WT1: variants seen among roughly 807,000 people sequenced by gnomAD.
The protein encoded by WT1 is WT1 transcription factor.
In WT1, 8 loss-of-function variants were observed where a neutral mutation model predicts 60.8. The observed-to-expected ratio is 0.13, with a 90% CI of 0.08 to 0.24. The LOEUF is 0.24. Among genes scored for constraint, WT1 ranks in the 10% least tolerant of loss-of-function variants. The probability of loss-of-function intolerance (pLI) is 1.00; values close to 1 mark genes in which losing one functional copy is unlikely to be tolerated. For missense variants in WT1, 568 were observed against 711.8 expected (o/e 0.80, Z 2.30); for synonymous variants, 312 against 297.1 (o/e 1.05, Z -0.52).
chr11:32,422,100 G>T (rs1371035863), intron 3 of WT1, among the ~76,000 whole-genome samples: 1 of 152,248 alleles, frequency 6.6e-6, no homozygotes, highest in Non-Finnish European at 1.5e-5. Context: ...AGAGGGTGCA[G>T]CCAGACTTCC....
chr11:32,416,588 T>C (rs1852680447), intron 4 of WT1, 48 bp from the exon 5 acceptor site: 1 of 1,610,496 alleles, frequency 6.2e-7, no homozygotes, highest in Non-Finnish European at 8.5e-7. Context: ...CATGCATGGA[T>C]CTGGCAAGCC....
At chr11:32,433,120 C>T (rs914049693) in intron 1 of WT1, among the ~76,000 whole-genome samples, 1 of 152,346 alleles carries the variant, frequency 6.6e-6, no homozygotes, top group Middle Eastern at 3.4e-3. Flanking sequence ...GACGGGGACA[C>T]TGAGACCTAG....
chr11:32,392,903 A>C lies in WT1; in HGVS notation c.1265-148T>G, dbSNP rs890471606. The stretch of plus-strand genomic sequence containing the variant: ...TAGGGTAGGATGATCCCCAACTTGC[A>C]AGTTACAAATGAATGGGAGCTCAGG... On this transcript the variant is annotated intron_variant, in intron 7 of 9. Transcript: ENST00000452863. 33 of 699,528 alleles carry C rather than the reference A, an allele frequency of 4.7e-5. No individual in the cohort carries two copies. The Admixed American group carries it at 6.7e-4, about 14-fold the overall frequency. 43.3% of individuals were successfully genotyped at this position (699,528 alleles called of 1,614,324 possible). A position where few individuals can be genotyped will look rare whatever the true frequency, so the allele number is the denominator to read the frequency against.
At position 32,416,529 on chromosome 11, in the gene WT1, C is replaced by G. The variant is rs766054482; in HGVS notation, c.977G>C (p.Gly326Ala). The G allele has an allele frequency of 1.3e-5, 21 of 1,614,046 alleles. No homozygotes were observed. The highest frequency in any genetic ancestry group is 1.8e-5 in the Non-Finnish European group (21 of 1,180,044). ...TGTCCATTTCACTGAGCTGGAGCTC[C>G]CAGCAGCAACTCTAGAAAAGAAGAA... The change falls in exon 5 of 10, where the codon GGG becomes GCG. Residue 326 changes from glycine (G) to alanine (A), a missense_variant. Physicochemically the swap from Gly to Ala is moderately conservative, Grantham distance 60 (BLOSUM62 0). This residue lies in a region of WT1 where 523 missense variants were observed against 565.1 expected (regional missense o/e 0.93). Coordinates refer to ENST00000452863, the MANE Select transcript of WT1 (RefSeq NM_024426.6).
intron 5 of WT1, among the ~76,000 whole-genome samples, chr11:32,412,102 G>A (rs912183315): frequency 1.3e-5 from 2 of 152,120 alleles, no homozygotes; most frequent in African/African-American, 4.8e-5. Flanking sequence ...ATGTTCACGA[G>A]CCCGCGAGGG....
At chr11:32,414,964 C>A (rs1852618975) in intron 5 of WT1, among the ~76,000 whole-genome samples, 1 of 150,478 alleles carries the variant, frequency 6.6e-6, no homozygotes, top group Admixed American at 6.6e-5. Context: ...TCATTTTTTT[C>A]TTATGTAGGA....
chr11:32,398,005 T>G (rs1344197832), intron 6 of WT1, among the ~76,000 whole-genome samples: 2 of 152,166 alleles, frequency 1.3e-5, no homozygotes, highest in Non-Finnish European at 2.9e-5. Flanking sequence ...CTAGAAGCAG[T>G]GCACATGGGA....
chr11:32,391,725 C>G (rs5030292), intron 9 of WT1, among the ~76,000 whole-genome samples: 3 of 152,334 alleles, frequency 2.0e-5, no homozygotes, highest in East Asian at 1.9e-4. Flanking sequence ...CTTATCTCTT[C>G]ATTTTCATTC....
chr11:32,422,124 C>T lies in WT1; in HGVS notation c.888-4470G>A, dbSNP rs973091511. Among the ~76,000 whole-genome samples, 5 of 152,248 alleles carry T rather than the reference C, an allele frequency of 3.3e-5. No individual in the cohort carries two copies. The East Asian group carries it at 9.6e-4, about 29-fold the overall frequency. On this transcript the variant is annotated intron_variant, in intron 3 of 9. Transcript: ENST00000452863. ...AGCCAGACTTCCACACACCCTTTTCCTGTGCTCCTCCCTTTGAGGTGCTTT... is the reference window on the plus strand; with the variant it reads ...AGCCAGACTTCCACACACCCTTTTCTTGTGCTCCTCCCTTTGAGGTGCTTT...
chr11:32,405,253 C>A (rs1038149534), intron 5 of WT1, among the ~76,000 whole-genome samples: 15 of 152,116 alleles, frequency 9.9e-5, no homozygotes, highest in African/African-American at 3.6e-4. Flanking sequence ...TAACTGTAAA[C>A]AATGTGAACC....
In WT1 at chr11:32,388,003, AACACACACACAC is replaced by A. The variant is rs58549495; in HGVS notation, c.*1043_*1054del. Reference sequence around the variant, plus strand: ...TCCCTTAAAAAACAAAACACAACACAACACACACACACACACACACACACACACACACACGAC... The same window carrying A: ...TCCCTTAAAAAACAAAACACAACACAACACACACACACACACACACACGAC... On this transcript the variant is annotated 3_prime_UTR_variant, in exon 10 of 10. Coordinates refer to ENST00000452863, the MANE Select transcript of WT1 (RefSeq NM_024426.6). 9.2e-5 allele frequency: 21 copies of A among 229,206 alleles called. No individual in the cohort carries two copies. The highest frequency in any genetic ancestry group is 2.9e-4 in the African/African-American group (13 of 44,126). The allele number at this position is 229,206 out of a possible 1,614,324, so 14.2% of individuals were successfully genotyped here. A position where few individuals can be genotyped will look rare whatever the true frequency, so the allele number is the denominator to read the frequency against.
chr11:32,430,039 T>TGGAG (rs1853225187), intron 1 of WT1, among the ~76,000 whole-genome samples: 1 of 149,662 alleles, frequency 6.7e-6, no homozygotes, highest in African/African-American at 2.5e-5. Context: ...GGCATGAGCC[T>TGGAG]GGAGGGTGGT....
At position 32,388,957 on chromosome 11, in the gene WT1, CTG is replaced by C; in HGVS notation, c.*99_*100del. 6.3e-7 allele frequency: 1 copy of C among 1,592,906 alleles called. No individual in the cohort carries two copies. Among genetic ancestry groups the C allele is most frequent in the Non-Finnish European group, 8.6e-7 (1 of 1,167,114 alleles). ...TTGGAAGTTGGATGAAGAAGATCAACTGAAGTTTCCTTTTTAGTGAGGAGGAG... is the reference window on the plus strand; with the variant it reads ...TTGGAAGTTGGATGAAGAAGATCAACAAGTTTCCTTTTTAGTGAGGAGGAG... On this transcript the variant is annotated 3_prime_UTR_variant, in exon 10 of 10. Coordinates refer to ENST00000452863, the MANE Select transcript of WT1 (RefSeq NM_024426.6).
At position 32,426,055 on chromosome 11, in the gene WT1, T is replaced by A. The variant is rs547638447; in HGVS notation, c.887+1901A>T. Among the ~76,000 whole-genome samples the A allele has an allele frequency of 2.3e-3, 346 of 152,314 alleles. 1 individual carries two copies. The highest frequency in any genetic ancestry group is 0.01 in the Middle Eastern group (3 of 294). On this transcript the variant is annotated intron_variant, in intron 3 of 9. Transcript: ENST00000452863. ...CTTTCAAGGCTGCCAGGTCCTCTGA[T>A]GGACCCCTTCCTAGGGTCCCACAGG...
chr11:32,391,127 G>C (rs1024861729), intron 9 of WT1, among the ~76,000 whole-genome samples: 1 of 152,084 alleles, frequency 6.6e-6, no homozygotes, highest in African/African-American at 2.4e-5. Context: ...TGGGACTATA[G>C]GTCCACACCA....
intron 3 of WT1, among the ~76,000 whole-genome samples, chr11:32,422,272 G>A (rs1227991652): frequency 6.6e-6 from 1 of 152,210 alleles, no homozygotes; most frequent in Non-Finnish European, 1.5e-5. Flanking sequence ...ACCCACTGGG[G>A]ATTCCATTTC....
intron 7 of WT1, among the ~76,000 whole-genome samples, chr11:32,394,073 T>A (rs1385617862): frequency 6.6e-6 from 1 of 151,970 alleles, no homozygotes; most frequent in African/African-American, 2.4e-5. Flanking sequence ...TTTAAAAATA[T>A]TTTTTTTAGA....
At chr11:32,390,359 G>C (rs888421297) in intron 9 of WT1, among the ~76,000 whole-genome samples, 2 of 152,094 alleles carry the variant, frequency 1.3e-5, no homozygotes, top group African/African-American at 4.8e-5. Context: ...TGGCAAAACA[G>C]GTCATGTCAC....
At chr11:32,390,312 A>G (rs1451599020) in intron 9 of WT1, among the ~76,000 whole-genome samples, 3 of 152,188 alleles carry the variant, frequency 2.0e-5, no homozygotes, top group Non-Finnish European at 4.4e-5. Context: ...CCAGGGTCAG[A>G]CTGGAGGCCA....
Sources: allele counts gnomAD v4.1 joint callset (sites outside exome capture counted in the v4.1 genomes callset), GRCh38; gene constraint gnomAD v4.1.1; regional missense constraint gnomAD v4.1.1; transcripts MANE v1.5; gene names NCBI Gene and HGNC (gene_info 2026-07-23, HGNC 2026-07-21).